The following CAPZB variants were observed in gnomAD, a reference collection of about 807,000 sequenced individuals.
CAPZB encodes capping actin protein of muscle Z-line subunit beta, also known as F-actin-capping protein subunit beta.
Under a neutral mutation model 38.1 loss-of-function variants are expected in CAPZB, and 2 were observed. That is an observed-to-expected ratio of 0.05 (90% CI 0.02 to 0.17). The LOEUF is 0.17. Ranked by LOEUF, CAPZB falls within the 10% of genes least tolerant of loss-of-function variation. The pLI is 1.00. For missense variants in CAPZB, 161 were observed against 334.2 expected (o/e 0.48, Z 4.04); for synonymous variants, 107 against 127.4 (o/e 0.84, Z 1.08).
rs186609977 is a variant in CAPZB, at chr1:19,442,443, G to A, written c.4-22693C>T. On this transcript the variant is annotated intron_variant, in intron 1 of 8. Transcript: ENST00000264202. ...GATAATTGGGGGCTCATTATATCAC[G>A]TGCTTGAAATTCTCTGTAACAAAAA... is the stretch of plus-strand genomic sequence containing the variant. Among the ~76,000 whole-genome samples, 100 of 152,240 alleles carry A rather than the reference G, an allele frequency of 6.6e-4. No individual in the cohort carries two copies. The Middle Eastern group carries it at 0.017, about 26-fold the overall frequency.
chr1:19,371,967 C>A (rs1402064070), intron 4 of CAPZB, among the ~76,000 whole-genome samples: 1 of 152,238 alleles, frequency 6.6e-6, no homozygotes, highest in Non-Finnish European at 1.5e-5. Context: ...GCTGGGGAGC[C>A]CAGGCCGGGG....
At chr1:19,462,828 T>C (rs1388977059) in intron 1 of CAPZB, among the ~76,000 whole-genome samples, 4 of 152,206 alleles carry the variant, frequency 2.6e-5, no homozygotes, top group African/African-American at 4.8e-5. Context: ...AATTTCAATT[T>C]ATCAAATTGA....
intron 2 of CAPZB, among the ~76,000 whole-genome samples, chr1:19,407,292 T>G (rs1423916520): frequency 6.6e-6 from 1 of 152,118 alleles, no homozygotes; most frequent in East Asian, 1.9e-4. Flanking sequence ...ATCAGGGTCA[T>G]GAATAGGTAG....
intron 1 of CAPZB, among the ~76,000 whole-genome samples, chr1:19,469,730 G>C (rs995621633): frequency 1.5e-5 from 2 of 134,668 alleles, no homozygotes. Flanking sequence ...TACTCAAAAG[G>C]AGGAAAAGAA....
At chr1:19,365,931 G>A (rs747538041) in intron 4 of CAPZB, among the ~76,000 whole-genome samples, 79 of 152,140 alleles carry the variant, frequency 5.2e-4, no homozygotes, top group Admixed American at 8.5e-4. Context: ...CTGGAATGCC[G>A]GCTGAAGAGC....
chr1:19,371,228 C>T (rs1250256632), intron 4 of CAPZB, among the ~76,000 whole-genome samples: 1 of 152,204 alleles, frequency 6.6e-6, no homozygotes, highest in African/African-American at 2.4e-5. Context: ...CCCGAAACTA[C>T]GGCCTTCTCG....
chr1:19,478,301 A>G (rs1420061987), intron 1 of CAPZB, among the ~76,000 whole-genome samples: 1 of 152,164 alleles, frequency 6.6e-6, no homozygotes, highest in Non-Finnish European at 1.5e-5. Context: ...ACCACCTATC[A>G]TCCATCCATG....
chr1:19,448,416 A>G (rs1396902724), intron 1 of CAPZB, among the ~76,000 whole-genome samples: 1 of 152,206 alleles, frequency 6.6e-6, no homozygotes, highest in East Asian at 1.9e-4. Flanking sequence ...GGAAAATAAT[A>G]CATTACTTCC....
chr1:19,368,680 T>TA (rs397956937), intron 4 of CAPZB, among the ~76,000 whole-genome samples: 2,265 of 135,996 alleles, frequency 0.017, 28 homozygotes, highest in Admixed American at 0.028. Flanking sequence ...TTTTTTTTTT[T>TA]AATTAGACAT....
chr1:19,372,054 G>A (rs137867309), intron 4 of CAPZB, among the ~76,000 whole-genome samples: 4 of 152,342 alleles, frequency 2.6e-5, no homozygotes, highest in African/African-American at 7.2e-5. Context: ...CCATGAGGAC[G>A]CCAGCCTTGT....
chr1:19,377,506 G>C lies in CAPZB; in HGVS notation c.329+1034C>G, dbSNP rs1270776886. 2.6e-5 allele frequency among the ~76,000 whole-genome samples: 4 copies of C among 152,216 alleles called. No individual in the cohort carries two copies. In the East Asian group the frequency reaches 7.7e-4, roughly 29 times the overall value. ...AATATTCGTATATAATAGAACTACA[G>C]ACTGGGGGCCAAGCCCCACCCACCT... On this transcript the variant is annotated intron_variant, in intron 4 of 8. Transcript: ENST00000264202.
chr1:19,456,251 G>A (rs1435333445), intron 1 of CAPZB, among the ~76,000 whole-genome samples: 1 of 152,186 alleles, frequency 6.6e-6, no homozygotes, highest in Non-Finnish European at 1.5e-5. Context: ...ACAATCTGCT[G>A]CTATAGTAAA....
rs79661850 is a variant in CAPZB, at chr1:19,463,311, A to G, written c.3+22125T>C. 0.011 allele frequency among the ~76,000 whole-genome samples: 1,702 copies of G among 152,316 alleles called. 80 individuals are homozygous for G. In the East Asian group the frequency reaches 0.14, roughly 12 times the overall value. On this transcript the variant is annotated intron_variant, in intron 1 of 8. Coordinates refer to ENST00000264202, the MANE Select transcript of CAPZB (RefSeq NM_004930.5). ...CACTTGTGCCGCTCTTCTCCACACC[A>G]GCAAACTGAGCATTCTTTAACACAG...
chr1:19,374,627 C>A (rs2094135752), intron 4 of CAPZB, among the ~76,000 whole-genome samples: 1 of 152,260 alleles, frequency 6.6e-6, no homozygotes, highest in African/African-American at 2.4e-5. Context: ...GGGGTGGCTT[C>A]TCCGGCCACT....
intron 4 of CAPZB, among the ~76,000 whole-genome samples, chr1:19,367,131 T>C (rs141228997): frequency 1.7e-3 from 262 of 152,378 alleles, no homozygotes; most frequent in African/African-American, 6.0e-3. Flanking sequence ...TGCTGCCCAG[T>C]GGGCACAATG....
intron 4 of CAPZB, among the ~76,000 whole-genome samples, chr1:19,373,600 G>A (rs749432295): frequency 6.0e-4 from 92 of 152,242 alleles, no homozygotes; most frequent in Non-Finnish European, 1.1e-3. Context: ...GGTGTGGCCC[G>A]TGGGCTGCCT....
chr1:19,446,390 A>G (rs1469371204), intron 1 of CAPZB, among the ~76,000 whole-genome samples: 5 of 152,242 alleles, frequency 3.3e-5, no homozygotes, highest in African/African-American at 4.8e-5. Flanking sequence ...TGAGCCATGT[A>G]AGAAGTAAAG....
At chr1:19,389,375 C>A (rs1010954026) in intron 2 of CAPZB, among the ~76,000 whole-genome samples, 2 of 152,160 alleles carry the variant, frequency 1.3e-5, no homozygotes, top group African/African-American at 4.8e-5. Context: ...ATTTCAGATA[C>A]ACAATGAATA....
At chr1:19,429,564 G>A (rs989951397) in intron 1 of CAPZB, among the ~76,000 whole-genome samples, 3 of 152,252 alleles carry the variant, frequency 2.0e-5, no homozygotes, top group Admixed American at 1.3e-4. Context: ...CGGGCCACTG[G>A]GAATGAGGTA....
Sources: allele counts gnomAD v4.1 joint callset (sites outside exome capture counted in the v4.1 genomes callset), GRCh38; gene constraint gnomAD v4.1.1; transcripts MANE v1.5; gene names NCBI Gene and HGNC (gene_info 2026-07-23, HGNC 2026-07-21).